Variants in CEP57 observed in about 807,000 individuals in gnomAD.
The protein encoded by CEP57 is centrosomal protein 57.
In CEP57, 40 loss-of-function variants were observed where a neutral mutation model predicts 68.0. The observed-to-expected ratio is 0.59, with a 90% CI of 0.46 to 0.77. The LOEUF is 0.77. Among genes scored for constraint, CEP57 ranks in the 30% least tolerant of loss-of-function variants. The pLI is 0.00. For missense variants in CEP57, 606 were observed against 580.7 expected (o/e 1.04, Z -0.45); for synonymous variants, 219 against 198.7 (o/e 1.10, Z -0.86).
intron 9 of CEP57, 118 bp from the exon 10 acceptor site, chr11:95,829,069 G>A: frequency 9.7e-7 from 1 of 1,030,436 alleles, no homozygotes; most frequent in Non-Finnish European, 1.5e-6. Context: ...TTATTGCTCT[G>A]TTCAAAAAAT....
At chr11:95,794,785 A>T (rs927294857) in intron 1 of CEP57, among the ~76,000 whole-genome samples, 6 of 152,052 alleles carry the variant, frequency 3.9e-5, no homozygotes, top group Non-Finnish European at 7.4e-5. Context: ...GTATTCTTCT[A>T]TATTTTTTTC....
At chr11:95,814,357 A>ATTTTTT (rs1170474932) in intron 4 of CEP57, among the ~76,000 whole-genome samples, 27 of 109,912 alleles carry the variant, frequency 2.5e-4, no homozygotes, top group African/African-American at 3.9e-4. Flanking sequence ...CCTTGTGTGT[A>ATTTTTT]TTTTTTTTTT....
chr11:95,802,924 G>A (rs1233901660), intron 2 of CEP57, among the ~76,000 whole-genome samples: 2 of 152,192 alleles, frequency 1.3e-5, no homozygotes, highest in African/African-American at 4.8e-5. Context: ...TTTACCAGGT[G>A]TGAGAAGAAT....
At chr11:95,825,155 G>T (rs930870600) in intron 8 of CEP57, among the ~76,000 whole-genome samples, 1 of 152,088 alleles carries the variant, frequency 6.6e-6, no homozygotes, top group Non-Finnish European at 1.5e-5. Flanking sequence ...CTATAAAAAG[G>T]GTTCTTAATG....
At chr11:95,816,275 GAT>G (rs1280744295) in intron 4 of CEP57, among the ~76,000 whole-genome samples, 7 of 152,140 alleles carry the variant, frequency 4.6e-5, no homozygotes, top group African/African-American at 1.7e-4. Context: ...AATTCACTAT[GAT>G]GAGAACAGCA....
intron 9 of CEP57, 125 bp downstream of exon 9, chr11:95,828,152 C>A: frequency 9.1e-7 from 1 of 1,096,960 alleles, no homozygotes; most frequent in Non-Finnish European, 1.3e-6. Flanking sequence ...AATCCTTATA[C>A]CAACCAAGTT....
At chr11:95,790,812 C>T in intron 1 of CEP57, 69 bp downstream of exon 1, 1 of 1,568,616 alleles carries the variant, frequency 6.4e-7, no homozygotes, top group Non-Finnish European at 8.7e-7. Context: ...CCTCACGTTT[C>T]AGGGCGCTGT....
At chr11:95,810,932 AAAC>A (rs1862033483) in intron 2 of CEP57, among the ~76,000 whole-genome samples, 2 of 152,150 alleles carry the variant, frequency 1.3e-5, no homozygotes, top group South Asian at 4.1e-4. Flanking sequence ...AAAAGTCAGG[AAAC>A]AACAGATGCT....
intron 1 of CEP57, among the ~76,000 whole-genome samples, chr11:95,797,166 C>A (rs1347778712): frequency 1.6e-5 from 2 of 128,316 alleles, no homozygotes; most frequent in Non-Finnish European, 3.3e-5. Context: ...CCCCACCCCC[C>A]TCCCAACACA....
rs776725482 is a variant in CEP57, at chr11:95,813,057, G to A, written c.328G>A (p.Glu110Lys). 5.0e-6 allele frequency: 8 copies of A among 1,613,540 alleles called. No individual in the cohort carries two copies. Among genetic ancestry groups the A allele is most frequent in the Non-Finnish European group, 1.7e-6 (2 of 1,179,930 alleles). ...AATTGAATATAAGAAAGTACTGGATGAACAGATACAAGAAAGGGAGAATTC... is the reference window on the plus strand; with the variant it reads ...AATTGAATATAAGAAAGTACTGGATAAACAGATACAAGAAAGGGAGAATTC... ...ETIEYKKVLD[E>K]QIQERENSKN... The change falls in exon 3 of 11, where the codon GAA (glutamate) becomes AAA (lysine). Residue 110 changes from glutamate (E) to lysine (K), a missense_variant. By Grantham distance (56) the Glu-to-Lys change is moderately conservative. Coordinates refer to ENST00000325542, the MANE Select transcript of CEP57 (RefSeq NM_014679.5).
chr11:95,796,754 A>G (rs958238315), intron 1 of CEP57, among the ~76,000 whole-genome samples: 3 of 152,218 alleles, frequency 2.0e-5, no homozygotes, highest in Non-Finnish European at 4.4e-5. Context: ...CCTGCCCCCA[A>G]GTCAGTCAGA....
At chr11:95,810,442 T>G (rs933616409) in intron 2 of CEP57, among the ~76,000 whole-genome samples, 2 of 152,136 alleles carry the variant, frequency 1.3e-5, no homozygotes. Flanking sequence ...GGTTGTATAT[T>G]TAGAAAACCC....
At chr11:95,797,151 C>T (rs1293123113) in intron 1 of CEP57, among the ~76,000 whole-genome samples, 2 of 126,334 alleles carry the variant, frequency 1.6e-5, no homozygotes, top group East Asian at 5.9e-4. Context: ...GACTCTTCCC[C>T]CCCACCCCAC....
chr11:95,814,487 A>T (rs1014091544), intron 4 of CEP57, among the ~76,000 whole-genome samples: 3 of 151,654 alleles, frequency 2.0e-5, no homozygotes, highest in African/African-American at 7.3e-5. Flanking sequence ...CAGCCTCCCA[A>T]GTAGCTGGGA....
rs766124955 is a variant in CEP57, at chr11:95,799,328, A to G, written c.142A>G (p.Ser48Gly). ...TCCTTCGGATAAGCCTTTCCTTAATAGTGATCTACGACGCTCCCCAAGTAA... is the reference window on the plus strand; with the variant it reads ...TCCTTCGGATAAGCCTTTCCTTAATGGTGATCTACGACGCTCCCCAAGTAA... ...VYPSDKPFLN[S>G]DLRRSPSKPT... Residue 48 changes from serine (S) to glycine (G), a missense_variant, in exon 2 of 11, where the codon AGT becomes GGT. Coordinates refer to ENST00000325542, the MANE Select transcript of CEP57 (RefSeq NM_014679.5). 1.2e-6 allele frequency: 2 copies of G among 1,614,104 alleles called. No individual in the cohort carries two copies. The highest frequency in any genetic ancestry group is 1.7e-5 in the Admixed American group (1 of 60,024).
chr11:95,828,098 T>A, intron 9 of CEP57, 71 bp downstream of exon 9: 1 of 1,506,532 alleles, frequency 6.6e-7, no homozygotes, highest in Non-Finnish European at 9.0e-7. Context: ...TTGTTGACTT[T>A]ATTAAATCTT....
chr11:95,817,775 A>G lies in CEP57; in HGVS notation c.505-12A>G. 1 of 1,556,466 alleles carries G rather than the reference A, an allele frequency of 6.4e-7. No individual in the cohort carries two copies. Among genetic ancestry groups the G allele is most frequent in the Non-Finnish European group, 8.9e-7 (1 of 1,127,702 alleles). ...GTCAAATTATCAAGCCGTATTGAATATTGTTTTTCAGGTTTCCCTAGAAAG... is the reference window on the plus strand; with the variant it reads ...GTCAAATTATCAAGCCGTATTGAATGTTGTTTTTCAGGTTTCCCTAGAAAG... On this transcript the variant is annotated splice_polypyrimidine_tract_variant and intron_variant, in intron 4 of 10. Transcript: ENST00000325542.
At chr11:95,803,539 G>T (rs911929694) in intron 2 of CEP57, among the ~76,000 whole-genome samples, 5 of 151,978 alleles carry the variant, frequency 3.3e-5, no homozygotes, top group African/African-American at 4.8e-5. Flanking sequence ...AATCAAAGAT[G>T]CATATTACAG....
chr11:95,828,303 A>T (rs1290687871), intron 9 of CEP57, among the ~76,000 whole-genome samples: 1 of 152,234 alleles, frequency 6.6e-6, no homozygotes, highest in African/African-American at 2.4e-5. Flanking sequence ...TCACTGAATG[A>T]CAAAGATGTG....
Sources: allele counts gnomAD v4.1 joint callset (sites outside exome capture counted in the v4.1 genomes callset), GRCh38; gene constraint gnomAD v4.1.1; transcripts MANE v1.5; gene names NCBI Gene and HGNC (gene_info 2026-07-23, HGNC 2026-07-21).